CSNK1G3: variants seen among roughly 807,000 people sequenced by gnomAD.
CSNK1G3 encodes casein kinase 1 gamma 3, also known as casein kinase I isoform gamma-3.
CSNK1G3 carries 23 observed loss-of-function variants against 64.3 expected under a neutral mutation model. The ratio of observed to expected loss-of-function variants is 0.36; its 90% CI spans 0.26 to 0.51. CSNK1G3 has a LOEUF of 0.51. Ranked by LOEUF, CSNK1G3 falls within the 20% of genes least tolerant of loss-of-function variation. CSNK1G3 has a pLI of 0.96. For synonymous variants in CSNK1G3, 158 were observed against 162.2 expected, an observed-to-expected ratio of 0.97 and a Z score of 0.20; for missense variants, 357 against 510.5, an observed-to-expected ratio of 0.70 and a Z score of 2.90.
chr5:123,615,704 C>G (rs1561649203), exon 13 of CSNK1G3: 1 of 152,138 alleles, frequency 6.6e-6, no homozygotes, highest in Non-Finnish European at 1.5e-5. Flanking sequence ...TCACATTCTA[C>G]TAGCCAAAAT....
chr5:123,538,431 C>T (rs558898987), intron 1 of CSNK1G3, among the ~76,000 whole-genome samples: 1 of 152,208 alleles, frequency 6.6e-6, no homozygotes, highest in East Asian at 1.9e-4. Flanking sequence ...AGTAATGATA[C>T]TGAGCAGTGC....
intron 6 of CSNK1G3, 113 bp from the exon 7 acceptor site, chr5:123,587,955 T>G (rs1419684342): frequency 3.1e-6 from 2 of 644,870 alleles, no homozygotes; most frequent in Admixed American, 3.2e-5. Flanking sequence ...TATTTTGTAT[T>G]TATATGTTGA....
At chr5:123,525,774 A>G (rs1365056071) in intron 1 of CSNK1G3, among the ~76,000 whole-genome samples, 1 of 151,948 alleles carries the variant, frequency 6.6e-6, no homozygotes, top group Non-Finnish European at 1.5e-5. Flanking sequence ...CGGGCGGATC[A>G]CGAGGTCAGG....
intron 2 of CSNK1G3, among the ~76,000 whole-genome samples, chr5:123,550,699 A>G (rs574264731): frequency 9.8e-5 from 15 of 152,330 alleles, no homozygotes; most frequent in African/African-American, 3.6e-4. Context: ...TTAAAACATC[A>G]CTTAACCGGC....
At chr5:123,597,353 A>G (rs1003775869) in intron 10 of CSNK1G3, among the ~76,000 whole-genome samples, 8 of 152,132 alleles carry the variant, frequency 5.3e-5, no homozygotes, top group Non-Finnish European at 1.0e-4. Context: ...TTTTTTTAGG[A>G]GAGACATTTC....
intron 4 of CSNK1G3, among the ~76,000 whole-genome samples, chr5:123,560,164 A>C (rs1375419288): frequency 6.6e-6 from 1 of 152,186 alleles, no homozygotes; most frequent in African/African-American, 2.4e-5. Context: ...GCTGGAAACC[A>C]TGAGATACCA....
chr5:123,539,546 CTGTT>C (rs1781369069), intron 1 of CSNK1G3, among the ~76,000 whole-genome samples: 1 of 151,094 alleles, frequency 6.6e-6, no homozygotes, highest in Non-Finnish European at 1.5e-5. Flanking sequence ...GTATTAAACT[CTGTT>C]TGATTATTAT....
rs1783999437 is a variant in CSNK1G3, at chr5:123,553,094, T to C, written c.179-13T>C. 2 of 1,354,102 alleles carry C rather than the reference T, an allele frequency of 1.5e-6. No homozygotes were observed. The highest frequency in any genetic ancestry group is 2.0e-6 in the Non-Finnish European group (2 of 999,654). The allele number at this position is 1,354,102 out of a possible 1,614,324, so 83.9% of individuals were successfully genotyped here. On this transcript the variant is annotated splice_polypyrimidine_tract_variant and intron_variant, in intron 2 of 12. Transcript: ENST00000345990. ...AATTACTGGCAGAATCTGATTTTTTTTTCTTTTTCAAGGGAAAAATTTATA... is the reference window on the plus strand; with the variant it reads ...AATTACTGGCAGAATCTGATTTTTTCTTCTTTTTCAAGGGAAAAATTTATA...
At chr5:123,600,025 A>G (rs1794165918) in intron 10 of CSNK1G3, among the ~76,000 whole-genome samples, 1 of 152,140 alleles carries the variant, frequency 6.6e-6, no homozygotes, top group Non-Finnish European at 1.5e-5. Flanking sequence ...TTGGAATACC[A>G]AGAGTATCAA....
intron 2 of CSNK1G3, among the ~76,000 whole-genome samples, chr5:123,552,616 G>A (rs1783909311): frequency 6.6e-6 from 1 of 152,020 alleles, no homozygotes; most frequent in South Asian, 2.1e-4. Context: ...ATTATTGAAT[G>A]TTTTTAAATA....
At chr5:123,605,832 C>A (rs1795277040) in intron 12 of CSNK1G3, among the ~76,000 whole-genome samples, 1 of 152,046 alleles carries the variant, frequency 6.6e-6, no homozygotes, top group African/African-American at 2.4e-5. Flanking sequence ...TGATAAATTT[C>A]ATGATAACCT....
Position 123,553,087 on chromosome 5 carries a change from ATT to A in CSNK1G3, c.179-12_179-11del. 7.6e-7 allele frequency: 1 copy of A among 1,311,064 alleles called. No individual in the cohort carries two copies. The highest frequency in any genetic ancestry group is 1.0e-6 in the Non-Finnish European group (1 of 963,576). The allele number at this position is 1,311,064 out of a possible 1,614,324, so 81.2% of individuals were successfully genotyped here. ...TAAAATCAATTACTGGCAGAATCTGATTTTTTTTTCTTTTTCAAGGGAAAAAT... is the reference window on the plus strand; with the variant it reads ...TAAAATCAATTACTGGCAGAATCTGATTTTTTTCTTTTTCAAGGGAAAAAT... On this transcript the variant is annotated intron_variant, in intron 2 of 12. Coordinates refer to ENST00000345990, the Ensembl canonical transcript of CSNK1G3.
chr5:123,527,747 T>G (rs891909353), intron 1 of CSNK1G3, among the ~76,000 whole-genome samples: 1 of 152,212 alleles, frequency 6.6e-6, no homozygotes, highest in Non-Finnish European at 1.5e-5. Flanking sequence ...GGATGTACTT[T>G]CTCATTTAGT....
chr5:123,577,992 A>G (rs887871133), intron 6 of CSNK1G3, among the ~76,000 whole-genome samples: 8 of 151,970 alleles, frequency 5.3e-5, no homozygotes, highest in South Asian at 2.1e-4. Context: ...TTTGGTGGGT[A>G]TAATGTCTTT....
chr5:123,576,385 A>G (rs1789171154), intron 6 of CSNK1G3, among the ~76,000 whole-genome samples: 1 of 152,186 alleles, frequency 6.6e-6, no homozygotes, highest in African/African-American at 2.4e-5. Context: ...GTATAATGCT[A>G]ACAGCATATA....
exon 2 of CSNK1G3, chr5:123,545,711 ACGACCTAGTGGT>A: frequency 6.2e-7 from 1 of 1,613,558 alleles, no homozygotes; most frequent in Non-Finnish European, 8.5e-7. Context: ...ATAGAATGGC[ACGACCTAGTGGT>A]CGATCGGGAC....
intron 6 of CSNK1G3, among the ~76,000 whole-genome samples, chr5:123,585,167 A>T (rs1339817867): frequency 6.6e-6 from 1 of 152,154 alleles, no homozygotes; most frequent in African/African-American, 2.4e-5. Context: ...TTATACATAG[A>T]TGGCCGATTG....
At chr5:123,526,615 C>G (rs1487610020) in intron 1 of CSNK1G3, among the ~76,000 whole-genome samples, 1 of 152,140 alleles carries the variant, frequency 6.6e-6, no homozygotes, top group Non-Finnish European at 1.5e-5. Context: ...TTTGTTTTCT[C>G]TTTCTATAAT....
chr5:123,522,869 C>G (rs769122416), intron 1 of CSNK1G3, among the ~76,000 whole-genome samples: 2 of 152,022 alleles, frequency 1.3e-5, no homozygotes, highest in Admixed American at 6.6e-5. Flanking sequence ...TTAAGTATAA[C>G]GCCAAAGTTA....
Sources: gnomAD v4.1 joint callset for allele counts (sites outside exome capture counted in the v4.1 genomes callset) on GRCh38, gnomAD v4.1.1 for gene constraint, MANE v1.5 for transcripts, NCBI Gene and HGNC (gene_info 2026-07-23, HGNC 2026-07-21) for gene names.